SLC27A6: variants seen among roughly 807,000 people sequenced by gnomAD.
SLC27A6 encodes the protein long-chain fatty acid transport protein 6.
SLC27A6 carries 74 observed loss-of-function variants against 63.9 expected under a neutral mutation model. That is an observed-to-expected ratio of 1.16 (90% confidence interval 0.96 to 1.40). The LOEUF (loss-of-function observed/expected upper bound fraction) is 1.40, where lower values mean the gene tolerates loss of function less well. Ranked by LOEUF, SLC27A6 falls within the 40% of genes most tolerant of loss-of-function variation. SLC27A6 has a pLI of 0.00. For missense variants in SLC27A6, 794 were observed against 732.9 expected (o/e 1.08, Z -0.96); for synonymous variants, 287 against 260.8 (o/e 1.10, Z -0.97).
intron 5 of SLC27A6, among the ~76,000 whole-genome samples, chr5:129,019,120 A>T (rs188681455): frequency 6.6e-6 from 1 of 152,248 alleles, no homozygotes; most frequent in Admixed American, 6.5e-5. Context: ...AGCAACACAG[A>T]GTTCCTATAA....
intron 1 of SLC27A6, among the ~76,000 whole-genome samples, chr5:128,969,599 T>C (rs1750056564): frequency 6.6e-6 from 1 of 152,200 alleles, no homozygotes; most frequent in African/African-American, 2.4e-5. Context: ...TGCTTGTGAT[T>C]TTTGCACATT....
intron 4 of SLC27A6, among the ~76,000 whole-genome samples, chr5:129,011,497 A>G (rs1287401544): frequency 6.6e-6 from 1 of 152,248 alleles, no homozygotes; most frequent in East Asian, 1.9e-4. Flanking sequence ...CAAGCAGTCC[A>G]TAAGCAACAC....
intron 4 of SLC27A6, among the ~76,000 whole-genome samples, chr5:129,010,720 G>A (rs1402751097): frequency 6.6e-6 from 1 of 151,994 alleles, no homozygotes; most frequent in Non-Finnish European, 1.5e-5. Context: ...ACCTGCATGA[G>A]CTTGGAAGCA....
At chr5:128,974,747 A>G (rs1750319244) in intron 1 of SLC27A6, among the ~76,000 whole-genome samples, 1 of 152,198 alleles carries the variant, frequency 6.6e-6, no homozygotes, top group African/African-American at 2.4e-5. Context: ...TCCTGGCTGT[A>G]TGGTTAAAGA....
intron 4 of SLC27A6, among the ~76,000 whole-genome samples, chr5:129,000,286 A>G (rs1260004868): frequency 6.6e-6 from 1 of 152,092 alleles, no homozygotes; most frequent in Admixed American, 6.6e-5. Context: ...CTCTTTCTTT[A>G]TCTCTCTTAA....
intron 4 of SLC27A6, among the ~76,000 whole-genome samples, chr5:129,015,413 A>C (rs2150149616): frequency 6.6e-6 from 1 of 152,318 alleles, no homozygotes; most frequent in South Asian, 2.1e-4. Context: ...TATTAACTAT[A>C]CACTACAGTA....
chr5:129,029,759 G>A, intron 9 of SLC27A6, 52 bp downstream of exon 9: 1 of 1,483,966 alleles, frequency 6.7e-7, no homozygotes, highest in Non-Finnish European at 9.2e-7. Context: ...AAACAAGGAA[G>A]TAGTTTAATT....
At chr5:128,994,092 C>T (rs1179875177) in intron 4 of SLC27A6, among the ~76,000 whole-genome samples, 2 of 152,074 alleles carry the variant, frequency 1.3e-5, no homozygotes, top group East Asian at 1.9e-4. Flanking sequence ...TGCTTAACCC[C>T]GTGAGGTGGA....
rs1749913019 is a variant in SLC27A6 at position 128,966,603 on chromosome 5, C to G, written c.466C>G (p.Leu156Val). 2.0e-6 allele frequency: 3 copies of G among 1,525,880 alleles called. No homozygotes were observed. The highest frequency in any genetic ancestry group is 2.8e-5 in the African/African-American group (2 of 72,346). 94.5% of individuals were successfully genotyped at this position (1,525,880 alleles called of 1,614,324 possible). Residue 156 changes from leucine (L) to valine (V), a missense_variant, in exon 1 of 10, where the codon CTA (leucine) becomes GTA (valine). Physicochemically the swap from Leu to Val is conservative, Grantham distance 32. Transcript: ENST00000262462. ...CATCCGCGCCTGTGGGCCCAGAGCC[C>G]TAGTGGTGGGCGCAGGTAGAGTATG... is the stretch of plus-strand genomic sequence containing the variant. ...NCIRACGPRA[L>V]VVGADLLGTV... is the part of the protein sequence containing the mutation.
At position 129,003,290 on chromosome 5, in the gene SLC27A6, C is replaced by T. The variant is rs556748086; in HGVS notation, c.970-12595C>T. Among the ~76,000 whole-genome samples the T allele has an allele frequency of 4.1e-5, 6 of 147,084 alleles. No homozygotes were observed. The South Asian group carries it at 1.3e-3, about 33-fold the overall frequency. The stretch of plus-strand genomic sequence containing the variant: ...AATTTGAAAGAAAGCAACTTTATTC[C>T]CGTGAACTGTTTGCAAACTGTAAGA... On this transcript the variant is annotated intron_variant, in intron 4 of 9. Coordinates refer to ENST00000262462, the MANE Select transcript of SLC27A6 (RefSeq NM_001017372.3).
At chr5:129,008,789 T>C (rs1751629862) in intron 4 of SLC27A6, among the ~76,000 whole-genome samples, 1 of 152,172 alleles carries the variant, frequency 6.6e-6, no homozygotes, top group Non-Finnish European at 1.5e-5. Flanking sequence ...ACCTCATTTA[T>C]GTAGGTCTAA....
intron 4 of SLC27A6, among the ~76,000 whole-genome samples, chr5:129,004,487 A>G (rs1010472409): frequency 2.6e-5 from 4 of 151,878 alleles, no homozygotes; most frequent in Non-Finnish European, 2.9e-5. Context: ...GTCACTTCAT[A>G]TCTTTCACTT....
chr5:128,966,721 G>A, intron 1 of SLC27A6, 103 bp downstream of exon 1: 2 of 1,191,784 alleles, frequency 1.7e-6, no homozygotes, highest in Non-Finnish European at 2.2e-6. Flanking sequence ...TTTTGGGTGA[G>A]TGAAGTGTGC....
rs1297486139 is a variant in SLC27A6, at chr5:128,966,336, C to T, written c.199C>T (p.Gln67Ter). 2 of 1,614,148 alleles carry T rather than the reference C, an allele frequency of 1.2e-6. No individual in the cohort carries two copies. Among genetic ancestry groups the T allele is most frequent in the Non-Finnish European group, 1.7e-6 (2 of 1,180,028 alleles). ...TAAATTCTTGAGTCATGCCAAAAGA[C>T]AACCTCGGAAACCTTTCATCATCTA... is the stretch of plus-strand genomic sequence containing the variant. ...LDKFLSHAKR[Q>*]PRKPFIIYEG... The change falls in exon 1 of 10, where the codon CAA (glutamine) becomes TAA (stop). Residue 67 changes from glutamine (Q) to a stop codon, truncating the protein, a stop_gained. Transcript: ENST00000262462. LOFTEE classifies it high-confidence loss of function.
chr5:129,024,775 T>C (rs1187343809), intron 6 of SLC27A6, among the ~76,000 whole-genome samples: 1 of 152,180 alleles, frequency 6.6e-6, no homozygotes, highest in Admixed American at 6.6e-5. Flanking sequence ...CCTTAAAATA[T>C]GTTGAAACTG....
At chr5:128,990,577 G>A in intron 4 of SLC27A6, 113 bp downstream of exon 4, 2 of 1,123,148 alleles carry the variant, frequency 1.8e-6, no homozygotes, top group Non-Finnish European at 2.5e-6. Context: ...GCGGGTCTTT[G>A]TTCTTAGAGC....
intron 1 of SLC27A6, among the ~76,000 whole-genome samples, chr5:128,968,716 C>T (rs1201458831): frequency 6.6e-6 from 1 of 152,026 alleles, no homozygotes; most frequent in Non-Finnish European, 1.5e-5. Flanking sequence ...TATAGGTTGC[C>T]TGTTCACTCT....
chr5:128,966,027 GTGTAAGCCC>G lies in SLC27A6; in HGVS notation c.-108_-100del. ...CCGGAAAAGCTGACAAGAACTTCAG[GTGTAAGCCC>G]TGAGTAGTGAGGATCTGCGGTCTCC... On this transcript the variant is annotated 5_prime_UTR_variant, in exon 1 of 10. Coordinates refer to ENST00000262462, the MANE Select transcript of SLC27A6 (RefSeq NM_001017372.3). The G allele has an allele frequency of 7.7e-7, 1 of 1,294,808 alleles. No individual in the cohort carries two copies. The highest frequency in any genetic ancestry group is 2.0e-5 in the South Asian group (1 of 49,734). The allele number at this position is 1,294,808 out of a possible 1,614,324, so 80.2% of individuals were successfully genotyped here.
At chr5:128,995,030 C>G (rs6859755) in intron 4 of SLC27A6, among the ~76,000 whole-genome samples, 1 of 152,040 alleles carries the variant, frequency 6.6e-6, no homozygotes, top group Non-Finnish European at 1.5e-5. Flanking sequence ...TTCTTCTCTT[C>G]CCCTGAGACT....
Sources: allele counts gnomAD v4.1 joint callset (sites outside exome capture counted in the v4.1 genomes callset), GRCh38; gene constraint gnomAD v4.1.1; transcripts MANE v1.5; gene names NCBI Gene and HGNC (gene_info 2026-07-23, HGNC 2026-07-21).